C12orf42: variants seen among roughly 807,000 people sequenced by gnomAD.
C12orf42 encodes the protein chromosome 12 open reading frame 42.
C12orf42 carries 25 observed loss-of-function variants against 21.6 expected under a neutral mutation model. That is an observed-to-expected ratio of 1.16 (90% CI 0.84 to 1.62). C12orf42 has a LOEUF of 1.62. Ranked by LOEUF, C12orf42 falls within the 40% of genes most tolerant of loss-of-function variation. C12orf42 has a pLI of 0.00. For synonymous variants in C12orf42, 174 were observed against 175.0 expected, an observed-to-expected ratio of 0.99 and a Z score of 0.05; for missense variants, 483 against 459.3, an observed-to-expected ratio of 1.05 and a Z score of -0.47.
chr12:103,454,597 C>G (rs1051361008), intron 2 of C12orf42, among the ~76,000 whole-genome samples: 4 of 152,106 alleles, frequency 2.6e-5, no homozygotes, highest in Admixed American at 2.6e-4. Context: ...CTTATCATCA[C>G]CAGACTTCAT....
the C12orf42 span, among the ~76,000 whole-genome samples, chr12:103,110,492 T>A: frequency 6.6e-6 from 1 of 152,322 alleles, no homozygotes; most frequent in Non-Finnish European, 1.5e-5. Context: ...TCCATTTCAT[T>A]TAAAACAAAA....
At chr12:103,085,700 T>A in the C12orf42 span, among the ~76,000 whole-genome samples, 1 of 152,188 alleles carries the variant, frequency 6.6e-6, no homozygotes, top group East Asian at 1.9e-4. Context: ...AAACCATTAA[T>A]TTTACTATGT....
At chr12:103,368,317 T>TCTCACACACACACA (rs1555271889) in intron 4 of C12orf42, among the ~76,000 whole-genome samples, 76 of 146,624 alleles carry the variant, frequency 5.2e-4, no homozygotes, top group African/African-American at 1.6e-3. Context: ...TCTCTCTCTC[T>TCTCACACACACACA]CACACACACA....
At chr12:103,487,620 T>C (rs1164841577) in intron 1 of C12orf42, among the ~76,000 whole-genome samples, 1 of 152,224 alleles carries the variant, frequency 6.6e-6, no homozygotes, top group Non-Finnish European at 1.5e-5. Context: ...AAGGACTTGC[T>C]TTATGAATCT....
chr12:103,303,875 T>C (rs1268366985), intron 5 of C12orf42, among the ~76,000 whole-genome samples: 1 of 152,176 alleles, frequency 6.6e-6, no homozygotes, highest in Admixed American at 6.5e-5. Flanking sequence ...AGCTGTTGAT[T>C]TGGATTTCTG....
At chr12:103,273,912 G>C (rs1566010395) in intron 5 of C12orf42, 1 of 456,178 alleles carries the variant, frequency 2.2e-6, no homozygotes, top group Non-Finnish European at 4.4e-6. Context: ...AGGAGGACGA[G>C]CAGAAAAGTG....
chr12:103,186,399 T>C, the C12orf42 span, among the ~76,000 whole-genome samples: 1 of 152,334 alleles, frequency 6.6e-6, no homozygotes, highest in Non-Finnish European at 1.5e-5. Flanking sequence ...TGGTGGTATG[T>C]AAGAGGATAA....
chr12:103,227,359 G>T, the C12orf42 span, among the ~76,000 whole-genome samples: 2 of 151,820 alleles, frequency 1.3e-5, no homozygotes, highest in Non-Finnish European at 2.9e-5. Context: ...ATAAGAGGTC[G>T]GGGTGAGGAA....
intron 3 of C12orf42, among the ~76,000 whole-genome samples, chr12:103,388,411 C>A (rs989577723): frequency 3.9e-5 from 6 of 152,178 alleles, no homozygotes; most frequent in African/African-American, 1.4e-4. Flanking sequence ...GGATCCCCTG[C>A]CCCATGCCGC....
chr12:103,446,942 T>C (rs1760497067), intron 2 of C12orf42, among the ~76,000 whole-genome samples: 1 of 151,998 alleles, frequency 6.6e-6, no homozygotes, highest in African/African-American at 2.4e-5. Flanking sequence ...TTGACAGCAT[T>C]AGACATGTCA....
At chr12:103,104,011 C>T in the C12orf42 span, among the ~76,000 whole-genome samples, 3 of 152,064 alleles carry the variant, frequency 2.0e-5, no homozygotes, top group Non-Finnish European at 2.9e-5. Flanking sequence ...TTGTGCCCAG[C>T]TTATATACAT....
At position 103,368,132 on chromosome 12, in the gene C12orf42, G is replaced by C. The variant is rs190947616; in HGVS notation, c.259+755C>G. On this transcript the variant is annotated intron_variant, in intron 4 of 5. Transcript: ENST00000548883. ...CTAAAAATGGAGTTTATGGACAGTC[G>C]CAGGTTGTCAAAATCATCTATGGTG... 4.4e-5 allele frequency: 48 copies of C among 1,086,664 alleles called. No homozygotes were observed. The East Asian group carries it at 2.4e-3, about 53-fold the overall frequency. 67.3% of individuals were successfully genotyped at this position (1,086,664 alleles called of 1,614,324 possible).
the C12orf42 span, among the ~76,000 whole-genome samples, chr12:103,138,706 C>G: frequency 6.6e-6 from 1 of 152,278 alleles, no homozygotes; most frequent in Non-Finnish European, 1.5e-5. Context: ...TCACTTTCAG[C>G]TGATGTCCTG....
At chr12:103,507,213 TAATATATA>T in the C12orf42 span, among the ~76,000 whole-genome samples, 1 of 37,836 alleles carries the variant, frequency 2.6e-5, no homozygotes, top group Non-Finnish European at 3.7e-5. Context: ...ATTATATATA[TAATATATA>T]AATATAAATA....
At chr12:103,296,489 G>C (rs1452881136) in intron 4 of C12orf42, among the ~76,000 whole-genome samples, 1 of 152,164 alleles carries the variant, frequency 6.6e-6, no homozygotes, top group African/African-American at 2.4e-5. Flanking sequence ...CAGTGTAAAA[G>C]CGTTCCTATT....
At chr12:103,428,330 C>G (rs748897093) in intron 2 of C12orf42, among the ~76,000 whole-genome samples, 1 of 152,040 alleles carries the variant, frequency 6.6e-6, no homozygotes. Flanking sequence ...TCAGAGAATA[C>G]TATAAACAAC....
chr12:103,427,648 T>G (rs1949947058), intron 2 of C12orf42, among the ~76,000 whole-genome samples: 2 of 152,152 alleles, frequency 1.3e-5, no homozygotes, highest in Admixed American at 6.5e-5. Context: ...TCTACAGAAC[T>G]CTCCACCCCA....
rs572719653 is a variant in C12orf42 at position 103,391,156 on chromosome 12, C to T, written c.147+10451G>A. 9.6e-5 allele frequency among the ~76,000 whole-genome samples: 14 copies of T among 146,484 alleles called. No homozygotes were observed. In the South Asian group the frequency reaches 2.0e-3, roughly 21 times the overall value. ...TTCCTTTTTATGATTGAATCATATT[C>T]GGTTTTATATATATATATATATTTA... On this transcript the variant is annotated intron_variant, in intron 3 of 5. Coordinates refer to ENST00000548883, the MANE Select transcript of C12orf42 (RefSeq NM_198521.5).
chr12:103,446,940 A>G (rs536266754), intron 2 of C12orf42, among the ~76,000 whole-genome samples: 1 of 152,162 alleles, frequency 6.6e-6, no homozygotes, highest in Non-Finnish European at 1.5e-5. Flanking sequence ...CATTGACAGC[A>G]TTAGACATGT....
Sources: allele counts gnomAD v4.1 joint callset (sites outside exome capture counted in the v4.1 genomes callset), GRCh38; gene constraint gnomAD v4.1.1; transcripts MANE v1.5; gene names NCBI Gene and HGNC (gene_info 2026-07-23, HGNC 2026-07-21).